GPHN: variants seen among roughly 807,000 people sequenced by gnomAD.
GPHN encodes the protein gephyrin.
A neutral mutation model predicts 95.5 loss-of-function variants in GPHN; 17 were observed. That is an observed-to-expected ratio of 0.18 (90% CI 0.12 to 0.27). The LOEUF (loss-of-function observed/expected upper bound fraction) is 0.27. GPHN is among the 10% of genes least tolerant of loss of function. The pLI, the probability that GPHN is intolerant of heterozygous loss-of-function variation, is 1.00. For synonymous variants in GPHN, 320 were observed against 322.5 expected, an observed-to-expected ratio of 0.99 and a Z score of 0.08; for missense variants, 660 against 978.1, an observed-to-expected ratio of 0.67 and a Z score of 4.34.
At chr14:67,519,541 G>A in the GPHN span, among the ~76,000 whole-genome samples, 8 of 152,228 alleles carry the variant, frequency 5.3e-5, no homozygotes, top group African/African-American at 1.7e-4. Flanking sequence ...GGATACTCTG[G>A]TGTAAGCCCT....
chr14:66,698,549 A>T (rs999429980), intron 2 of GPHN, among the ~76,000 whole-genome samples: 46 of 152,212 alleles, frequency 3.0e-4, no homozygotes, highest in African/African-American at 1.1e-3. Context: ...TAAAACTGCT[A>T]TTTTAAAAGA....
the GPHN span, among the ~76,000 whole-genome samples, chr14:67,331,566 GTTCAGCTAAAAATT>G: frequency 1.3e-5 from 2 of 152,056 alleles, no homozygotes; most frequent in African/African-American, 2.4e-5. Flanking sequence ...GTTTTGCCTA[GTTCAGCTAAAAATT>G]TTGAGCTAAA....
rs928680364 is a variant in GPHN, at chr14:66,618,538, A to G, written c.65-62569A>G. Among the ~76,000 whole-genome samples the G allele has an allele frequency of 9.2e-5, 14 of 152,184 alleles. No individual in the cohort carries two copies. In the Middle Eastern group the frequency reaches 0.017, roughly 185 times the overall value. The stretch of plus-strand genomic sequence containing the variant: ...ATCCTTTCTGTATATTGCTGTATTC[A>G]TTTTCTGTTTTTAAAAGGATTTTTG... On this transcript the variant is annotated intron_variant, in intron 1 of 22. Transcript: ENST00000478722.
chr14:66,996,672 T>G (rs1446548704), intron 9 of GPHN, among the ~76,000 whole-genome samples: 1 of 152,150 alleles, frequency 6.6e-6, no homozygotes, highest in Non-Finnish European at 1.5e-5. Flanking sequence ...CATCCAAAAT[T>G]GATTATTAAA....
intron 1 of GPHN, among the ~76,000 whole-genome samples, chr14:66,602,533 A>G (rs548324955): frequency 6.6e-6 from 1 of 152,140 alleles, no homozygotes; most frequent in African/African-American, 2.4e-5. Context: ...TGAAATGTGA[A>G]TACGAATTTT....
chr14:67,126,415 A>T, intron 17 of GPHN, among the ~76,000 whole-genome samples: 1 of 152,248 alleles, frequency 6.6e-6, no homozygotes, highest in Non-Finnish European at 1.5e-5. Context: ...ATAAACCTCT[A>T]GTTTCAAGCT....
chr14:67,395,494 G>C, the GPHN span: 10 of 1,613,914 alleles, frequency 6.2e-6, no homozygotes, highest in Admixed American at 3.3e-5. Context: ...TAGCCCCGGT[G>C]ATCTCAAAGG....
chr14:66,829,913 A>C (rs1305787236), intron 4 of GPHN, among the ~76,000 whole-genome samples: 10 of 152,166 alleles, frequency 6.6e-5, no homozygotes, highest in Admixed American at 4.6e-4. Context: ...CAGGGAGCTA[A>C]GAATATATTT....
At chr14:67,562,337 T>A in the GPHN span, 2 of 1,613,912 alleles carry the variant, frequency 1.2e-6, no homozygotes, top group South Asian at 2.2e-5. Flanking sequence ...AGCAAGCCCC[T>A]TGGAGGATTC....
rs539755345 is a variant in GPHN, at chr14:67,174,872, A to G, written c.2080-4706A>G. Among the ~76,000 whole-genome samples, 34 of 152,328 alleles carry G rather than the reference A, an allele frequency of 2.2e-4. 1 individual carries two copies. The highest frequency in any genetic ancestry group is 1.8e-3 in the Admixed American group (28 of 15,308). On this transcript the variant is annotated intron_variant, in intron 21 of 22. Transcript: ENST00000478722. Reference sequence around the variant, plus strand: ...TTCATATGTCTATTGGCTGTAATAAATACCTTCTTTTGAGAAGTGTCTGTT... The same window carrying G: ...TTCATATGTCTATTGGCTGTAATAAGTACCTTCTTTTGAGAAGTGTCTGTT...
chr14:67,642,382 G>T, the GPHN span: 9 of 1,612,268 alleles, frequency 5.6e-6, no homozygotes, highest in African/African-American at 1.2e-4. Context: ...GGAGCCAGGC[G>T]TGGTGAGGGG....
chr14:67,620,757 T>A, the GPHN span: 1 of 772,276 alleles, frequency 1.3e-6, no homozygotes, highest in South Asian at 1.6e-5. Context: ...AACAATGGAG[T>A]TGGAAGGACA....
chr14:67,077,656 A>G (rs940332424), intron 11 of GPHN, among the ~76,000 whole-genome samples: 2 of 152,122 alleles, frequency 1.3e-5, no homozygotes, highest in Non-Finnish European at 2.9e-5. Context: ...GACTTTTTCT[A>G]AAGATACCTT....
chr14:67,592,786 C>G, the GPHN span: 1 of 1,007,072 alleles, frequency 9.9e-7, no homozygotes, highest in Non-Finnish European at 1.5e-6. Context: ...TTTCTTTTTC[C>G]TTTATTTATT....
At position 66,994,684 on chromosome 14, in the gene GPHN, T is replaced by C. The variant is rs17103794; in HGVS notation, c.964-28949T>C. 3.0e-3 allele frequency among the ~76,000 whole-genome samples: 456 copies of C among 152,322 alleles called. 3 individuals carry two copies. The highest frequency in any genetic ancestry group is 0.011 in the African/African-American group (438 of 41,582). The stretch of plus-strand genomic sequence containing the variant: ...TATTTCAGTTTTATGGGCATAGATA[T>C]AGACACAGAACAAACATACACAGCA... On this transcript the variant is annotated intron_variant, in intron 9 of 22. Transcript: ENST00000478722.
At chr14:66,721,671 C>T in intron 2 of GPHN, among the ~76,000 whole-genome samples, 1 of 152,156 alleles carries the variant, frequency 6.6e-6, no homozygotes, top group South Asian at 2.1e-4. Context: ...TTGATTTGGG[C>T]CGGGCACAGT....
At chr14:67,439,981 G>C in the GPHN span, among the ~76,000 whole-genome samples, 1 of 152,110 alleles carries the variant, frequency 6.6e-6, no homozygotes, top group Non-Finnish European at 1.5e-5. Context: ...TGGGACCACA[G>C]GTGTGTGCCA....
At chr14:67,106,005 G>C (rs1403562028) in intron 13 of GPHN, among the ~76,000 whole-genome samples, 1 of 151,980 alleles carries the variant, frequency 6.6e-6, no homozygotes, top group Non-Finnish European at 1.5e-5. Context: ...TTTTATGCTT[G>C]TGTGTGTTTT....
At chr14:67,677,392 T>TTTTCCC in the GPHN span, 1 of 136,352 alleles carries the variant, frequency 7.3e-6, no homozygotes, top group Non-Finnish European at 1.6e-5. Context: ...TTTTTTTTTT[T>TTTTCCC]GCCACACTGG....
Sources: allele counts gnomAD v4.1 joint callset (sites outside exome capture counted in the v4.1 genomes callset), GRCh38; gene constraint gnomAD v4.1.1; transcripts MANE v1.5; gene names NCBI Gene and HGNC (gene_info 2026-07-23, HGNC 2026-07-21).